ULK2: variants seen among roughly 807,000 people sequenced by gnomAD.
The protein encoded by ULK2 is serine/threonine-protein kinase ULK2.
ULK2 carries 76 observed loss-of-function variants against 127.5 expected under a neutral mutation model. That is an observed-to-expected ratio of 0.60 (90% CI 0.50 to 0.72). The LOEUF (loss-of-function observed/expected upper bound fraction) is 0.72, where lower values mean the gene tolerates loss of function less well. Among genes scored for constraint, ULK2 ranks in the 30% least tolerant of loss-of-function variants. The probability of loss-of-function intolerance (pLI) is 0.00; values close to 1 mark genes in which losing one functional copy is unlikely to be tolerated. For synonymous variants in ULK2, 452 were observed against 461.9 expected (o/e 0.98, Z 0.28); for missense variants, 1,144 against 1,295.9 (o/e 0.88, Z 1.80).
rs762425135 is a variant in ULK2 at position 19,862,105 on chromosome 17, T to C, written c.225+2698A>G. 3.9e-5 allele frequency among the ~76,000 whole-genome samples: 6 copies of C among 152,134 alleles called. No homozygotes were observed. In the East Asian group the frequency reaches 5.8e-4, roughly 15 times the overall value. The stretch of plus-strand genomic sequence containing the variant: ...ACTTAAACATCCTTTTTCTTTTTTT[T>C]TTCCCCCCCGAGATGGAGTCTGGCT... On this transcript the variant is annotated intron_variant, in intron 3 of 26. Coordinates refer to ENST00000395544, the MANE Select transcript of ULK2 (RefSeq NM_014683.4).
intron 20 of ULK2, among the ~76,000 whole-genome samples, chr17:19,794,903 C>T (rs1019712485): frequency 2.6e-5 from 4 of 151,878 alleles, no homozygotes; most frequent in Non-Finnish European, 5.9e-5. Context: ...ATGGTGAAAC[C>T]CTGTCTCTAC....
chr17:19,816,741 A>G lies in ULK2; in HGVS notation c.1096+8T>C. 6.4e-7 allele frequency: 1 copy of G among 1,557,294 alleles called. No homozygotes were observed. Among genetic ancestry groups the G allele is most frequent in the Non-Finnish European group, 8.6e-7 (1 of 1,159,186 alleles). On this transcript the variant is annotated splice_region_variant and intron_variant, in intron 13 of 26. Coordinates refer to ENST00000395544, the MANE Select transcript of ULK2 (RefSeq NM_014683.4). Reference sequence around the variant, plus strand: ...AATACAATGTGTACAAGTAGAAAAGATTCTCACATGAGTGGTCTGACGAGA... The same window carrying G: ...AATACAATGTGTACAAGTAGAAAAGGTTCTCACATGAGTGGTCTGACGAGA...
At chr17:19,840,268 T>G (rs545611570) in intron 9 of ULK2, 3 of 523,626 alleles carry the variant, frequency 5.7e-6, no homozygotes, top group Admixed American at 4.0e-5. Flanking sequence ...TGAGAGTACC[T>G]GCTTCAGTAC....
chr17:19,850,255 CTGTTTTTT>C (rs2041983747), intron 3 of ULK2, among the ~76,000 whole-genome samples: 1 of 152,096 alleles, frequency 6.6e-6, no homozygotes, highest in Non-Finnish European at 1.5e-5. Flanking sequence ...TTTTGTTTTT[CTGTTTTTT>C]ATGTTTATTT....
rs759384269 is a variant in ULK2, at chr17:19,826,126, A to C, written c.835+13T>G. 7.0e-7 allele frequency: 1 copy of C among 1,426,784 alleles called. No homozygotes were observed. The highest frequency in any genetic ancestry group is 9.3e-7 in the Non-Finnish European group (1 of 1,074,334). The allele number at this position is 1,426,784 out of a possible 1,614,324, so 88.4% of individuals were successfully genotyped here. A position where few individuals can be genotyped will look rare whatever the true frequency, so the allele number is the denominator to read the frequency against. Reference sequence around the variant, plus strand: ...TCATTCTTTAAGTGAAAATACAAAAAATGGATACTCACATTTTTTTACTGG... The same window carrying C: ...TCATTCTTTAAGTGAAAATACAAAACATGGATACTCACATTTTTTTACTGG... On this transcript the variant is annotated intron_variant, in intron 11 of 26. Transcript: ENST00000395544.
At chr17:19,841,283 A>G (rs1469484764) in intron 9 of ULK2, among the ~76,000 whole-genome samples, 1 of 152,176 alleles carries the variant, frequency 6.6e-6, no homozygotes, top group African/African-American at 2.4e-5. Flanking sequence ...TTTCTTTTAA[A>G]TTTACATTTT....
At chr17:19,794,762 C>A (rs557593275) in intron 20 of ULK2, among the ~76,000 whole-genome samples, 1 of 150,612 alleles carries the variant, frequency 6.6e-6, no homozygotes, top group South Asian at 2.1e-4. Flanking sequence ...TAGTGATTCT[C>A]AAATCTGGGT....
At chr17:19,864,539 T>A (rs560488038) in intron 3 of ULK2, among the ~76,000 whole-genome samples, 1 of 152,276 alleles carries the variant, frequency 6.6e-6, no homozygotes, top group East Asian at 1.9e-4. Flanking sequence ...AGATCTGGTA[T>A]CAACAGTCCT....
intron 3 of ULK2, among the ~76,000 whole-genome samples, chr17:19,861,269 G>A (rs756296543): frequency 5.3e-5 from 8 of 152,062 alleles, no homozygotes; most frequent in Non-Finnish European, 1.0e-4. Flanking sequence ...AAGCAAGGCC[G>A]GGCGCGGTGG....
chr17:19,818,321 T>C (rs1262687992), intron 12 of ULK2, among the ~76,000 whole-genome samples: 2 of 128,838 alleles, frequency 1.6e-5, no homozygotes, highest in East Asian at 4.8e-4. Flanking sequence ...AGACTCCGTC[T>C]CAAAAAAAAA....
At chr17:19,777,163 G>C (rs957742082) in intron 26 of ULK2, among the ~76,000 whole-genome samples, 4 of 152,152 alleles carry the variant, frequency 2.6e-5, no homozygotes, top group African/African-American at 9.7e-5. Flanking sequence ...GGAGTGCAGT[G>C]GCACAATCTC....
intron 12 of ULK2, among the ~76,000 whole-genome samples, chr17:19,822,473 T>C (rs2041175515): frequency 6.6e-6 from 1 of 150,932 alleles, no homozygotes; most frequent in Non-Finnish European, 1.5e-5. Flanking sequence ...GTGATTCTAC[T>C]GCCTCAGCCT....
intron 21 of ULK2, 125 bp from the exon 22 acceptor site, chr17:19,784,030 G>T: frequency 1.4e-6 from 1 of 690,596 alleles, no homozygotes; most frequent in Non-Finnish European, 2.1e-6. Flanking sequence ...GAAACTCACT[G>T]ACCCCCTATG....
chr17:19,801,021 T>C (rs544329614), intron 16 of ULK2, among the ~76,000 whole-genome samples: 22 of 152,292 alleles, frequency 1.4e-4, no homozygotes, highest in African/African-American at 4.8e-4. Context: ...CCAGGAGAAG[T>C]GGGAAGATCT....
intron 13 of ULK2, among the ~76,000 whole-genome samples, chr17:19,814,226 A>C (rs1435545052): frequency 6.6e-6 from 1 of 151,680 alleles, no homozygotes; most frequent in Non-Finnish European, 1.5e-5. Context: ...AGTTACAGGT[A>C]AAATTAAATG....
At chr17:19,819,215 A>G (rs1193885355) in intron 12 of ULK2, among the ~76,000 whole-genome samples, 1 of 152,166 alleles carries the variant, frequency 6.6e-6, no homozygotes. Context: ...AAGATTATCA[A>G]TAATTTCTAT....
rs1203740179 is a variant in ULK2, at chr17:19,774,741, C to T, written c.*1608G>A. ...CACTTAATATGTACCCAGCTACACC[C>T]TAGAAACACTTTGTCAGTTTTATTT... On this transcript the variant is annotated 3_prime_UTR_variant, in exon 27 of 27. Transcript: ENST00000395544. The T allele has an allele frequency of 1.3e-5, 2 of 152,492 alleles. No individual in the cohort carries two copies. The highest frequency in any genetic ancestry group is 2.9e-5 in the Non-Finnish European group (2 of 68,020). 9.4% of individuals were successfully genotyped at this position (152,492 alleles called of 1,614,324 possible).
chr17:19,816,875 G>A lies in ULK2; in HGVS notation c.970C>T (p.Pro324Ser), dbSNP rs139594236. The change falls in exon 13 of 27, where the codon CCA becomes TCA. Residue 324 changes from proline to serine, a missense_variant. Physicochemically the swap from Pro to Ser is moderately conservative, Grantham distance 74 (BLOSUM62 -1). Coordinates refer to ENST00000395544, the MANE Select transcript of ULK2 (RefSeq NM_014683.4). ...AGATAGTTGGGAGGACCCAATGGTG[G>A]GGAAGATAAGTTTTCTTCCTGAATA... Reference protein sequence around the residue: ...QHIQEENLSSPPLGPPNYLQV... With the variant: ...QHIQEENLSSSPLGPPNYLQV... The A allele has an allele frequency of 6.2e-7, 1 of 1,609,702 alleles. No individual in the cohort carries two copies. The highest frequency in any genetic ancestry group is 1.1e-5 in the South Asian group (1 of 89,984).
intron 9 of ULK2, among the ~76,000 whole-genome samples, chr17:19,841,210 G>A (rs1023763710): frequency 1.3e-5 from 2 of 152,070 alleles, no homozygotes; most frequent in Non-Finnish European, 2.9e-5. Flanking sequence ...TACTTTATGC[G>A]TATCTATTCT....
Sources: allele counts gnomAD v4.1 joint callset (sites outside exome capture counted in the v4.1 genomes callset), GRCh38; gene constraint gnomAD v4.1.1; transcripts MANE v1.5; gene names NCBI Gene and HGNC (gene_info 2026-07-23, HGNC 2026-07-21).